Variants in ITGA2B observed in about 807,000 individuals in gnomAD.
ITGA2B encodes integrin alpha-IIb.
In ITGA2B, 91 loss-of-function variants were observed where a neutral mutation model predicts 142.0. That is an observed-to-expected ratio of 0.64 (90% CI 0.54 to 0.76). ITGA2B has a LOEUF of 0.76. Ranked by LOEUF, ITGA2B falls within the 30% of genes least tolerant of loss-of-function variation. ITGA2B has a pLI of 0.00. For synonymous variants in ITGA2B, 536 were observed against 567.2 expected (o/e 0.94, Z 0.78); for missense variants, 1,231 against 1,350.8 (o/e 0.91, Z 1.39).
rs750733496 is a variant in ITGA2B at position 44,376,417 on chromosome 17, G to A, written c.2268-29C>T. 5.0e-6 allele frequency: 8 copies of A among 1,609,056 alleles called. No homozygotes were observed. In the East Asian group the frequency reaches 1.6e-4, roughly 31 times the overall value. On this transcript the variant is annotated intron_variant, in intron 22 of 29. Transcript: ENST00000262407. ...GAGGGGAGGGGATGAGGAGAAACAG[G>A]GCCAGGGACACCAGCCCAGTGACTT... is the stretch of plus-strand genomic sequence containing the variant.
At chr17:44,387,641 C>A (rs375864981) in intron 1 of ITGA2B, among the ~76,000 whole-genome samples, 3 of 151,082 alleles carry the variant, frequency 2.0e-5, no homozygotes, top group African/African-American at 7.3e-5. Flanking sequence ...CCCTGACCAA[C>A]ATGGAGAAAC....
Position 44,376,195 on chromosome 17 carries a change from C to A in ITGA2B, c.2349-11G>T, listed in dbSNP as rs199682503. ...GCTGGAAAGGAGTTCCTGCAGGTGC[C>A]CAAGACCCCCAGAGAGAGTGTGATG... On this transcript the variant is annotated splice_polypyrimidine_tract_variant and intron_variant, in intron 23 of 29. Coordinates refer to ENST00000262407, the MANE Select transcript of ITGA2B (RefSeq NM_000419.5). The A allele has an allele frequency of 5.0e-6, 8 of 1,614,000 alleles. No individual in the cohort carries two copies. Among genetic ancestry groups the A allele is most frequent in the Non-Finnish European group, 6.8e-6 (8 of 1,180,012 alleles).
At chr17:44,389,249 G>T (rs1369911640) in intron 1 of ITGA2B, 37 bp downstream of exon 1, 2 of 1,609,904 alleles carry the variant, frequency 1.2e-6, no homozygotes, top group Non-Finnish European at 1.7e-6. Flanking sequence ...GAGGGGTCCT[G>T]CTCTCTCCCA....
At chr17:44,373,810 A>C (rs569505500) in intron 29 of ITGA2B, 1 of 180,962 alleles carries the variant, frequency 5.5e-6, no homozygotes, top group Non-Finnish European at 1.2e-5. Context: ...TTCAGGTGCT[A>C]TCCTTTCCAG....
chr17:44,380,098 C>CA lies in ITGA2B; in HGVS notation c.1655dup (p.Leu553AlafsTer34), dbSNP rs768068349. The CA allele has an allele frequency of 6.2e-7, 1 of 1,613,866 alleles. No homozygotes were observed. The highest frequency in any genetic ancestry group is 1.1e-5 in the South Asian group (1 of 91,080). On this transcript the variant is annotated frameshift_variant, in exon 17 of 30. Transcript: ENST00000262407. LOFTEE classifies it high-confidence loss of function. ...CTGCCTGTTGAGAGCCCAGCAGCAG[C>CA]ACCCGCCGGCCCTGGCGGGGCTTCT...
intron 18 of ITGA2B, among the ~76,000 whole-genome samples, chr17:44,379,113 A>ATTT (rs540432584): frequency 5.8e-5 from 8 of 138,020 alleles, no homozygotes; most frequent in East Asian, 2.1e-4. Context: ...CGCCCAGCTA[A>ATTT]TTTTTTTTTT....
At chr17:44,378,834 G>T in intron 18 of ITGA2B, 124 bp from the exon 19 acceptor site, 1 of 799,864 alleles carries the variant, frequency 1.3e-6, no homozygotes, top group South Asian at 1.6e-5. Context: ...GAAGATCTGA[G>T]GACGAAAAGG....
chr17:44,378,659 G>A lies in ITGA2B; in HGVS notation c.1930C>T (p.Gln644Ter), dbSNP rs768468829. The change falls in exon 19 of 30, where the codon CAG becomes TAG. Residue 644 changes from glutamine (Q) to a stop codon, truncating the protein, a stop_gained. Coordinates refer to ENST00000262407, the MANE Select transcript of ITGA2B (RefSeq NM_000419.5). LOFTEE classifies it high-confidence loss of function. The stretch of plus-strand genomic sequence containing the variant: ...CCTCCTCACACGCTGGCAGTGAGCT[G>A]AAGCTGGGGCACACATACGTCATCT... ...GEDDVCVPQL[Q>*]LTASVTGSPL... The A allele has an allele frequency of 2.6e-6, 4 of 1,563,382 alleles. No individual in the cohort carries two copies. The highest frequency in any genetic ancestry group is 3.5e-6 in the Non-Finnish European group (4 of 1,153,316).
chr17:44,372,479 G>A (rs2048506022), intron 29 of ITGA2B, 56 bp from the exon 30 acceptor site: 3 of 1,522,334 alleles, frequency 2.0e-6, no homozygotes, highest in African/African-American at 1.4e-5. Context: ...TGGCCCCAGA[G>A]CACATGTGAG....
At chr17:44,374,931 G>A in intron 27 of ITGA2B, 67 bp downstream of exon 27, 1 of 1,091,522 alleles carries the variant, frequency 9.2e-7, no homozygotes, top group South Asian at 1.4e-5. Flanking sequence ...ACCAAACCCC[G>A]CCCCTCCCAG....
chr17:44,384,372 C>G lies in ITGA2B; in HGVS notation c.848-18G>C, dbSNP rs1161958332. ...GACATATTCTGGCGATAGGGAGAGCCAGGCTCAGGGAATGAGAGCCTTAGA... is the reference window on the plus strand; with the variant it reads ...GACATATTCTGGCGATAGGGAGAGCGAGGCTCAGGGAATGAGAGCCTTAGA... On this transcript the variant is annotated intron_variant, in intron 8 of 29. Transcript: ENST00000262407. 8 of 1,613,834 alleles carry G rather than the reference C, an allele frequency of 5.0e-6. No individual in the cohort carries two copies. In the East Asian group the frequency reaches 1.8e-4, roughly 36 times the overall value.
intron 26 of ITGA2B, 146 bp from the exon 27 acceptor site, chr17:44,375,257 C>T (rs1464836043): frequency 4.1e-6 from 3 of 723,740 alleles, no homozygotes; most frequent in South Asian, 1.5e-5. Context: ...TGGATCCAAG[C>T]TTCGGATGCT....
chr17:44,383,712 C>A lies in ITGA2B; in HGVS notation c.999-8G>T. 6.4e-7 allele frequency: 1 copy of A among 1,568,028 alleles called. No individual in the cohort carries two copies. Among genetic ancestry groups the A allele is most frequent in the Non-Finnish European group, 8.7e-7 (1 of 1,155,954 alleles). ...ACCAGCAGATCATGCCTCCTGTGGG[C>A]CAGATGAGTGGTTACATGGGACTGG... On this transcript the variant is annotated splice_region_variant and splice_polypyrimidine_tract_variant and intron_variant, in intron 11 of 29. Transcript: ENST00000262407.
chr17:44,381,369 G>T (rs1215561981), intron 12 of ITGA2B, among the ~76,000 whole-genome samples: 5 of 149,980 alleles, frequency 3.3e-5, no homozygotes, highest in African/African-American at 1.2e-4. Flanking sequence ...TCGCTCTGTT[G>T]TCCTGGCTGG....
rs762316789 is a variant in ITGA2B at position 44,380,919 on chromosome 17, G to A, written c.1353C>T (p.Ser451=). The part of the protein sequence containing the change: ...PFPTGSAFGF[S]LRGAVDIDDN... ...CATCGATGTCTACGGCACCTCGAAG[G>A]GAGAAGCCAAAGGCAGAGCCTGTGG... The change falls in exon 13 of 30, where the codon TCC becomes TCT. Residue 451 remains serine, a synonymous_variant. Coordinates refer to ENST00000262407, the MANE Select transcript of ITGA2B (RefSeq NM_000419.5). 124 of 1,614,150 alleles carry A rather than the reference G, an allele frequency of 7.7e-5. No homozygotes were observed. The highest frequency in any genetic ancestry group is 9.1e-5 in the Non-Finnish European group (107 of 1,180,060).
intron 12 of ITGA2B, among the ~76,000 whole-genome samples, chr17:44,381,630 C>T (rs548830928): frequency 7.2e-6 from 1 of 138,982 alleles, no homozygotes; most frequent in Admixed American, 7.3e-5. Context: ...GTGCCCAAGC[C>T]CCTTTTAAAA....
chr17:44,385,764 T>G, intron 3 of ITGA2B, 48 bp from the exon 4 acceptor site: 1 of 1,613,022 alleles, frequency 6.2e-7, no homozygotes, highest in Non-Finnish European at 8.5e-7. Context: ...CTTGGGCTCC[T>G]CCTGGCCCCA....
At chr17:44,380,185 C>T (rs751838044) in intron 16 of ITGA2B, 32 bp from the exon 17 acceptor site, 1 of 1,613,982 alleles carries the variant, frequency 6.2e-7, no homozygotes, top group South Asian at 1.1e-5. Context: ...TCAGGACCTC[C>T]CTGGCCAGCC....
At chr17:44,386,461 C>G (rs1451228421) in intron 1 of ITGA2B, among the ~76,000 whole-genome samples, 1 of 152,172 alleles carries the variant, frequency 6.6e-6, no homozygotes, top group African/African-American at 2.4e-5. Context: ...TCCTTCCACC[C>G]GCAACAAGAA....
Sources: gnomAD v4.1 joint callset for allele counts (sites outside exome capture counted in the v4.1 genomes callset) on GRCh38, gnomAD v4.1.1 for gene constraint, MANE v1.5 for transcripts, NCBI Gene and HGNC (gene_info 2026-07-23, HGNC 2026-07-21) for gene names.